Variants in AGBL5 observed in about 807,000 individuals in gnomAD.
AGBL5 encodes the protein cytosolic carboxypeptidase-like protein 5.
In AGBL5, 51 loss-of-function variants were observed where a neutral mutation model predicts 88.0. The observed-to-expected ratio is 0.58, with a 90% CI of 0.46 to 0.73. The LOEUF is 0.73. Ranked by LOEUF, AGBL5 falls within the 30% of genes least tolerant of loss-of-function variation. The pLI is 0.00. For synonymous variants in AGBL5, 446 were observed against 438.8 expected (o/e 1.02, Z -0.21); for missense variants, 1,031 against 1,162.2 (o/e 0.89, Z 1.64).
At chr2:27,057,562 A>AT in intron 9 of AGBL5, 124 bp downstream of exon 9, 3 of 1,176,528 alleles carry the variant, frequency 2.5e-6, no homozygotes, top group Non-Finnish European at 3.5e-6. Flanking sequence ...TCTCACCACT[A>AT]TGATTATTTT....
In AGBL5 at chr2:27,068,697, C is replaced by T; in HGVS notation, c.2308C>T (p.Leu770=). Residue 770 remains leucine, a synonymous_variant, in exon 13 of 15, where the codon CTG becomes TTG. Transcript: ENST00000360131. ...GGCTGTCATGGTAATCGGGAAAGGT[C>T]TGCTAGGGACTGGAGCTCGGATGCC... The part of the protein sequence containing the change: ...PEAVMVIGKG[L]LGTGARMPCI... 1 of 1,614,140 alleles carries T rather than the reference C, an allele frequency of 6.2e-7. No individual in the cohort carries two copies. Among genetic ancestry groups the T allele is most frequent in the Non-Finnish European group, 8.5e-7 (1 of 1,180,028 alleles).
At chr2:27,058,077 C>CAA (rs371762935) in intron 9 of AGBL5, among the ~76,000 whole-genome samples, 4 of 127,080 alleles carry the variant, frequency 3.1e-5, no homozygotes, top group Non-Finnish European at 3.4e-5. Context: ...GATGCCGTCT[C>CAA]AAAAAAAAAA....
chr2:27,057,403 T>G lies in AGBL5; in HGVS notation c.1636T>G (p.Phe546Val). The G allele has an allele frequency of 6.2e-7, 1 of 1,613,694 alleles. No homozygotes were observed. Among genetic ancestry groups the G allele is most frequent in the Non-Finnish European group, 8.5e-7 (1 of 1,179,832 alleles). The change falls in exon 9 of 15, where the codon TTC becomes GTC. Residue 546 changes from phenylalanine (F) to valine (V), a missense_variant. Transcript: ENST00000360131. ...GRASPPPPPA[F>V]PSRYTVELFE... ...TGCCAGCCCCCCTCCCCCGCCGGCTTTCCCCTCCAGATACACTGTGGAACT... is the reference window on the plus strand; with the variant it reads ...TGCCAGCCCCCCTCCCCCGCCGGCTGTCCCCTCCAGATACACTGTGGAACT...
intron 11 of AGBL5, among the ~76,000 whole-genome samples, chr2:27,062,111 A>G (rs6741391): frequency 0.99 from 145,441 of 147,468 alleles, 71,746 homozygotes; most frequent in East Asian, 1. Flanking sequence ...CACTGTGCCC[A>G]TCTAGGCCTT....
chr2:27,059,384 G>C lies in AGBL5; in HGVS notation c.2069G>C (p.Arg690Pro). ...TCTAGTACCCAAAAGGTCACCCACCGGGTGCTGGGCCCCGTCAGAGGTAAG... is the reference window on the plus strand; with the variant it reads ...TCTAGTACCCAAAAGGTCACCCACCCGGTGCTGGGCCCCGTCAGAGGTAAG... Reference protein sequence around the residue: ...LGSSTQKVTHRVLGPVREPRS... With the variant: ...LGSSTQKVTHPVLGPVREPRS... Residue 690 changes from arginine (R) to proline (P), a missense_variant, in exon 11 of 15, where the codon CGG becomes CCG. This residue lies in a region of AGBL5 where 491 missense variants were observed against 484.0 expected (regional missense o/e 1.01). Transcript: ENST00000360131. The C allele has an allele frequency of 6.2e-7, 1 of 1,614,212 alleles. No individual in the cohort carries two copies. The highest frequency in any genetic ancestry group is 8.5e-7 in the Non-Finnish European group (1 of 1,180,042).
In AGBL5 at chr2:27,070,254, C is replaced by T. The variant is rs544518148; in HGVS notation, c.2652C>T (p.Pro884=). The part of the protein sequence containing the change: ...VPKSPPLTVS[P]RV ...AATCTCCCCCACTGACTGTTTCTCC[C>T]CGGGTCTGATAATGCCTTTATGTTC... The change falls in exon 15 of 15, where the codon CCC becomes CCT. Residue 884 remains proline, a synonymous_variant. Coordinates refer to ENST00000360131, the MANE Select transcript of AGBL5 (RefSeq NM_021831.6). The T allele has an allele frequency of 5.0e-6, 8 of 1,614,096 alleles. No homozygotes were observed. Among genetic ancestry groups the T allele is most frequent in the Admixed American group, 1.7e-5 (1 of 60,002 alleles).
chr2:27,053,061 G>C lies in AGBL5; in HGVS notation c.103G>C (p.Val35Leu), dbSNP rs146506510. The change falls in exon 2 of 15, where the codon GTA becomes CTA. Residue 35 changes from valine to leucine, a missense_variant. Physicochemically the swap from Val to Leu is conservative, Grantham distance 32 (BLOSUM62 1). Around this residue, in one of 2 missense-constraint regions of AGBL5, gnomAD observed 540 missense variants for 678.2 expected, o/e 0.80. Transcript: ENST00000360131. This position sits in a 1 kb window ranked among gnomAD's most constrained non-coding sequence, Gnocchi z 4.9. ...VESLSSDGEG[V>L]GGGASALTSG... ...ATCTTTGTCCAGTGATGGGGAAGGG[G>C]TAGGAGGTGGGGCGTCAGCCCTGAC... 6.2e-7 allele frequency: 1 copy of C among 1,613,704 alleles called. No homozygotes were observed. Among genetic ancestry groups the C allele is most frequent in the African/African-American group, 1.3e-5 (1 of 74,930 alleles).
upstream of AGBL5, chr2:27,050,913 A>C (rs535928836): frequency 5.3e-5 from 8 of 152,320 alleles, no homozygotes; most frequent in African/African-American, 1.7e-4. Flanking sequence ...CAATTATCCC[A>C]TAAGGGGAAA....
chr2:27,058,579 T>A lies in AGBL5; in HGVS notation c.1851T>A (p.Leu617=), dbSNP rs1178368329. The A allele has an allele frequency of 1.6e-5, 26 of 1,613,990 alleles. No individual in the cohort carries two copies. Among genetic ancestry groups the A allele is most frequent in the Non-Finnish European group, 2.2e-5 (26 of 1,180,040 alleles). ...TGGGTGTCAACAAGAAGAGGGGCCT[T>A]CGAACTCCACCCAAAAGTCACAAGT... is the stretch of plus-strand genomic sequence containing the variant. ...LNVGVNKKRG[L]RTPPKSHNGL... is the part of the protein sequence containing the mutation. Residue 617 remains leucine (L), a synonymous_variant, in exon 10 of 15, where the codon CTT becomes CTA. Coordinates refer to ENST00000360131, the MANE Select transcript of AGBL5 (RefSeq NM_021831.6).
At chr2:27,056,584 C>T (rs920030935) in intron 7 of AGBL5, 39 bp from the exon 8 acceptor site, 2 of 1,556,668 alleles carry the variant, frequency 1.3e-6, no homozygotes, top group Non-Finnish European at 8.7e-7. Context: ...CTTGTCCCTT[C>T]TGTCTCTCCT....
upstream of AGBL5, chr2:27,051,303 G>C (rs1002726177): frequency 6.6e-6 from 1 of 152,214 alleles, no homozygotes; most frequent in African/African-American, 2.4e-5. Flanking sequence ...TTTTGCGTCC[G>C]TCACACTACA....
chr2:27,068,558 GA>G, intron 12 of AGBL5, 73 bp from the exon 13 acceptor site: 2 of 1,374,354 alleles, frequency 1.5e-6, no homozygotes, highest in South Asian at 1.2e-5. Flanking sequence ...CCAAGGTTAA[GA>G]AACCCTGATC....
chr2:27,067,013 G>A (rs1217783419), intron 11 of AGBL5, among the ~76,000 whole-genome samples: 1 of 152,038 alleles, frequency 6.6e-6, no homozygotes, highest in African/African-American at 2.4e-5. Context: ...AACCCGGGAG[G>A]CGGAGGTTGC....
At position 27,068,252 on chromosome 2, in the gene AGBL5, C is replaced by T. The variant is rs191137146; in HGVS notation, c.2243-380C>T. Reference sequence around the variant, plus strand: ...GCTGACTTGATCCTCAAATGCTAAACATATGATTGCGGCAGTATAAACTGA... The same window carrying T: ...GCTGACTTGATCCTCAAATGCTAAATATATGATTGCGGCAGTATAAACTGA... On this transcript the variant is annotated intron_variant, in intron 12 of 14. Transcript: ENST00000360131. Among the ~76,000 whole-genome samples, 8 of 152,296 alleles carry T rather than the reference C, an allele frequency of 5.3e-5. No homozygotes were observed. In the East Asian group the frequency reaches 1.3e-3, roughly 26 times the overall value.
intron 11 of AGBL5, among the ~76,000 whole-genome samples, chr2:27,066,167 A>G (rs888425717): frequency 6.0e-5 from 9 of 150,746 alleles, no homozygotes; most frequent in Non-Finnish European, 1.2e-4. Flanking sequence ...GCAGGAGGTC[A>G]AGTTTGTAGT....
At chr2:27,067,049 C>T (rs1669022155) in intron 11 of AGBL5, among the ~76,000 whole-genome samples, 1 of 151,720 alleles carries the variant, frequency 6.6e-6, no homozygotes, top group Non-Finnish European at 1.5e-5. Context: ...CACCACCACA[C>T]TCCAGCCTGG....
intron 12 of AGBL5, chr2:27,067,847 T>C: frequency 1.5e-6 from 1 of 678,740 alleles, no homozygotes; most frequent in Middle Eastern, 2.6e-4. Context: ...TTACTGAACA[T>C]TTACTATGTG....
Position 27,057,414 on chromosome 2 carries a change from A to T in AGBL5, c.1647A>T (p.Arg549Ser). The T allele has an allele frequency of 6.2e-7, 1 of 1,613,210 alleles. No homozygotes were observed. The highest frequency in any genetic ancestry group is 8.5e-7 in the Non-Finnish European group (1 of 1,179,568). The change falls in exon 9 of 15, where the codon AGA becomes AGT. Residue 549 changes from arginine to serine, a missense_variant. This residue lies in a region of AGBL5 where 491 missense variants were observed against 484.0 expected (regional missense o/e 1.01). Transcript: ENST00000360131. Reference sequence around the variant, plus strand: ...CTCCCCCGCCGGCTTTCCCCTCCAGATACACTGTGGAACTATTTGAGCAGG... The same window carrying T: ...CTCCCCCGCCGGCTTTCCCCTCCAGTTACACTGTGGAACTATTTGAGCAGG... ...SPPPPPAFPS[R>S]YTVELFEQVG...
At chr2:27,056,983 C>T (rs1207619058) in intron 8 of AGBL5, 191 bp downstream of exon 8, 18 of 581,898 alleles carry the variant, frequency 3.1e-5, no homozygotes, top group South Asian at 1.7e-4. Flanking sequence ...GCAACAAGAG[C>T]GAAACTCCGT....
Sources: gnomAD v4.1 joint callset for allele counts (sites outside exome capture counted in the v4.1 genomes callset) on GRCh38, gnomAD v4.1.1 for gene constraint, gnomAD v4.1.1 regional missense constraint, Gnocchi (gnomAD v3.1) non-coding constraint, MANE v1.5 for transcripts, NCBI Gene and HGNC (gene_info 2026-07-23, HGNC 2026-07-21) for gene names.